Variants in GLUD1 observed in about 807,000 individuals in gnomAD.
GLUD1 encodes the protein glutamate dehydrogenase 1, mitochondrial.
In GLUD1, 22 loss-of-function variants were observed where a neutral mutation model predicts 56.0. The ratio of observed to expected loss-of-function variants is 0.39; its 90% confidence interval spans 0.28 to 0.56. The LOEUF (loss-of-function observed/expected upper bound fraction) is 0.56. GLUD1 is among the 20% of genes least tolerant of loss of function. The pLI is 0.58. For missense variants in GLUD1, 451 were observed against 732.0 expected, an observed-to-expected ratio of 0.62 and a Z score of 4.43; for synonymous variants, 223 against 269.9, an observed-to-expected ratio of 0.83 and a Z score of 1.70.
intron 5 of GLUD1, among the ~76,000 whole-genome samples, chr10:87,067,262 A>T (rs564757516): frequency 6.6e-6 from 1 of 152,316 alleles, no homozygotes; most frequent in South Asian, 2.1e-4. Flanking sequence ...GTTTTGAGAC[A>T]GGGTCTCACT....
At chr10:87,060,607 A>G (rs1845905034) in intron 8 of GLUD1, 81 bp downstream of exon 8, 1 of 1,549,520 alleles carries the variant, frequency 6.5e-7, no homozygotes, top group Non-Finnish European at 8.9e-7. Flanking sequence ...AAGAAAGAGA[A>G]AACTCAATCA....
Position 87,058,507 on chromosome 10 carries a change from C to T in GLUD1, c.1402+643G>A, listed in dbSNP as rs372305006. Among the ~76,000 whole-genome samples the T allele has an allele frequency of 1.4e-4, 22 of 152,282 alleles. 1 individual carries two copies. The highest frequency in any genetic ancestry group is 5.3e-4 in the African/African-American group (22 of 41,574). On this transcript the variant is annotated intron_variant, in intron 10 of 12. Coordinates refer to ENST00000277865, the MANE Select transcript of GLUD1 (RefSeq NM_005271.5). ...AAACAAGTATTCTCATCAGGAGTCT[C>T]AAAAACAATTCTTGACACTAGATAG...
At chr10:87,075,750 C>T (rs899405493) in intron 3 of GLUD1, among the ~76,000 whole-genome samples, 1 of 152,072 alleles carries the variant, frequency 6.6e-6, no homozygotes, top group South Asian at 2.1e-4. Flanking sequence ...GGTGAAATCC[C>T]CTCTCTACTA....
intron 1 of GLUD1, chr10:87,089,623 G>C: frequency 1.0e-6 from 1 of 985,232 alleles, no homozygotes; most frequent in Non-Finnish European, 1.2e-6. Context: ...AATCTTCTAG[G>C]TGTAGTTGCC....
At chr10:87,090,348 G>T (rs576851955) in intron 1 of GLUD1, among the ~76,000 whole-genome samples, 10 of 152,234 alleles carry the variant, frequency 6.6e-5, no homozygotes, top group Non-Finnish European at 1.3e-4. Flanking sequence ...TTGGTGCTTA[G>T]GATCCAATTT....
At chr10:87,074,462 T>C (rs1367081681) in intron 4 of GLUD1, 89 bp downstream of exon 4, 1 of 782,114 alleles carries the variant, frequency 1.3e-6, no homozygotes, top group Non-Finnish European at 2.3e-6. Flanking sequence ...CACTCTAGTC[T>C]GGGCAACAGA....
chr10:87,075,612 T>C (rs1473233187), intron 3 of GLUD1, among the ~76,000 whole-genome samples: 1 of 152,204 alleles, frequency 6.6e-6, no homozygotes, highest in Non-Finnish European at 1.5e-5. Context: ...CCTTCATAAA[T>C]GCACTGTGTG....
chr10:87,075,978 T>G lies in GLUD1; in HGVS notation c.572A>C (p.Lys191Thr), dbSNP rs764759924. 6.3e-7 allele frequency: 1 copy of G among 1,589,484 alleles called. No homozygotes were observed. Among genetic ancestry groups the G allele is most frequent in the South Asian group, 1.1e-5 (1 of 90,648 alleles). The change falls in exon 3 of 13, where the codon AAG (lysine) becomes ACG (threonine). Residue 191 changes from lysine to threonine, a missense_variant. Physicochemically the swap from Lys to Thr is moderately conservative, Grantham distance 78. This residue lies in a region of GLUD1 where 248 missense variants were observed against 460.0 expected (regional missense o/e 0.54). Transcript: ENST00000277865. ...CACTTTCATACTTACAGTATAGTTCTTGGGATTGATCTTAACACCAGCTTT... is the reference window on the plus strand; with the variant it reads ...CACTTTCATACTTACAGTATAGTTCGTGGGATTGATCTTAACACCAGCTTT... ...GAKAGVKINP[K>T]NYTDNELEKI...
At chr10:87,070,767 G>C (rs1026904649) in intron 4 of GLUD1, among the ~76,000 whole-genome samples, 2 of 152,034 alleles carry the variant, frequency 1.3e-5, no homozygotes, top group Non-Finnish European at 2.9e-5. Flanking sequence ...AAAATCACAA[G>C]GTATTAGTTA....
chr10:87,078,289 T>C (rs769619565), intron 1 of GLUD1, among the ~76,000 whole-genome samples: 44 of 152,328 alleles, frequency 2.9e-4, no homozygotes, highest in Non-Finnish European at 4.3e-4. Context: ...ACAGCAGATA[T>C]CTGTATAGCT....
At chr10:87,064,596 TTATCTG>T (rs1308790003) in intron 5 of GLUD1, among the ~76,000 whole-genome samples, 1 of 152,214 alleles carries the variant, frequency 6.6e-6, no homozygotes, top group Non-Finnish European at 1.5e-5. Context: ...GATCTGTTCT[TTATCTG>T]TATTGTTTAA....
At chr10:87,069,500 G>C (rs992876068) in intron 4 of GLUD1, among the ~76,000 whole-genome samples, 2 of 138,120 alleles carry the variant, frequency 1.4e-5, no homozygotes, top group African/African-American at 5.4e-5. Flanking sequence ...GGGCGACAGA[G>C]TAAGACTCTG....
In GLUD1 at chr10:87,062,784, T is replaced by C; in HGVS notation, c.793A>G (p.Ile265Val). The change falls in exon 6 of 13, where the codon ATC becomes GTC. Residue 265 changes from isoleucine to valine, a missense_variant. Ile to Val is a conservative substitution (Grantham distance 29). Transcript: ENST00000277865. ...VTGKPISQGG[I>V]HGRISATGRG... ...CCAGTAGCAGAGATGCGTCCATGGA[T>C]TCCCCCTTGGCTGATGGGTTTACCA... 6.2e-7 allele frequency: 1 copy of C among 1,614,172 alleles called. No homozygotes were observed. The highest frequency in any genetic ancestry group is 8.5e-7 in the Non-Finnish European group (1 of 1,180,006).
chr10:87,068,110 C>A lies in GLUD1; in HGVS notation c.694G>T (p.Glu232Ter). ...TAGGTATCAGCGATCCAGGACATCT[C>A]CCGCTCACCTGTGCTCATGTCTGGA... ...PAPDMSTGER[E>*]MSWIADTYAS... The change falls in exon 5 of 13, where the codon GAG becomes TAG. Residue 232 changes from glutamate (E) to a stop codon, truncating the protein, a stop_gained. Coordinates refer to ENST00000277865, the MANE Select transcript of GLUD1 (RefSeq NM_005271.5). LOFTEE classifies it high-confidence loss of function. 6.2e-7 allele frequency: 1 copy of A among 1,613,694 alleles called. No individual in the cohort carries two copies. The highest frequency in any genetic ancestry group is 8.5e-7 in the Non-Finnish European group (1 of 1,179,606).
intron 1 of GLUD1, among the ~76,000 whole-genome samples, chr10:87,081,956 A>G (rs1841268770): frequency 6.6e-6 from 1 of 151,420 alleles, no homozygotes; most frequent in Non-Finnish European, 1.5e-5. Flanking sequence ...CAAAAAAAAA[A>G]AAAAAAAGAA....
chr10:87,094,775 C>A lies in GLUD1; in HGVS notation c.-6G>T. 6.5e-7 allele frequency: 1 copy of A among 1,534,640 alleles called. No individual in the cohort carries two copies. The highest frequency in any genetic ancestry group is 8.8e-7 in the Non-Finnish European group (1 of 1,137,598). On this transcript the variant is annotated 5_prime_UTR_variant, in exon 1 of 13. Coordinates refer to ENST00000277865, the MANE Select transcript of GLUD1 (RefSeq NM_005271.5). This position sits in a 1 kb window ranked among gnomAD's most constrained non-coding sequence, Gnocchi z 6.6. ...TCGCCCAGGTAGCGGTACATGGCCA[C>A]AAGCGGAGGGGAGGTGCGTGATGGT... is the stretch of plus-strand genomic sequence containing the variant.
intron 5 of GLUD1, among the ~76,000 whole-genome samples, chr10:87,067,089 G>A (rs1846097484): frequency 1.3e-5 from 2 of 152,222 alleles, no homozygotes; most frequent in African/African-American, 2.4e-5. Flanking sequence ...GACACCATAG[G>A]AGGTTCTCTC....
intron 11 of GLUD1, among the ~76,000 whole-genome samples, chr10:87,056,731 A>G (rs1225517072): frequency 1.3e-5 from 2 of 149,866 alleles, no homozygotes; most frequent in Non-Finnish European, 3.0e-5. Flanking sequence ...CACATTTTCC[A>G]AAGAGCTGCA....
chr10:87,060,612 C>T, intron 8 of GLUD1, 76 bp downstream of exon 8: 1 of 1,564,818 alleles, frequency 6.4e-7, no homozygotes, highest in Non-Finnish European at 8.8e-7. Context: ...AGAGAAAACT[C>T]AATCAGACTC....
Sources: allele counts gnomAD v4.1 joint callset (sites outside exome capture counted in the v4.1 genomes callset), GRCh38; gene constraint gnomAD v4.1.1; regional missense constraint gnomAD v4.1.1; non-coding constraint Gnocchi (gnomAD v3.1); transcripts MANE v1.5; gene names NCBI Gene and HGNC (gene_info 2026-07-23, HGNC 2026-07-21).